Variants in ANKRD30B observed in about 807,000 individuals in gnomAD.
ANKRD30B encodes the protein ankyrin repeat domain-containing protein 30B.
ANKRD30B carries 144 observed loss-of-function variants against 202.2 expected under a neutral mutation model. That is an observed-to-expected ratio of 0.71 (90% CI 0.62 to 0.82). ANKRD30B has a LOEUF of 0.82. ANKRD30B is among the 40% of genes least tolerant of loss of function. The pLI, the probability that ANKRD30B is intolerant of heterozygous loss-of-function variation, is 0.00. For missense variants in ANKRD30B, 1,487 were observed against 1,669.1 expected (o/e 0.89, Z 1.90); for synonymous variants, 508 against 561.3 (o/e 0.91, Z 1.34).
At chr18:14,798,106 T>G (rs919996102) in intron 20 of ANKRD30B, among the ~76,000 whole-genome samples, 1 of 152,292 alleles carries the variant, frequency 6.6e-6, no homozygotes, top group East Asian at 1.9e-4. Flanking sequence ...GGCCTTGTCT[T>G]TGTTCCCAGG....
At chr18:14,784,274 T>G (rs1292164095) in intron 12 of ANKRD30B, 62 bp from the exon 13 acceptor site, 10 of 1,510,418 alleles carry the variant, frequency 6.6e-6, no homozygotes, top group African/African-American at 1.4e-5. Context: ...TATCACTGCA[T>G]TCACTCGGTT....
At chr18:14,830,103 C>G (rs1970837278) in intron 33 of ANKRD30B, 1 of 154,552 alleles carries the variant, frequency 6.5e-6, no homozygotes, top group African/African-American at 2.4e-5. Context: ...TTGAGTTTAT[C>G]TTTTCAGTAA....
the ANKRD30B span, among the ~76,000 whole-genome samples, chr18:14,868,356 G>C: frequency 6.6e-6 from 1 of 152,284 alleles, no homozygotes. Context: ...TCCTTCTGCT[G>C]GCATCTGAGC....
chr18:14,907,573 C>T, the ANKRD30B span, among the ~76,000 whole-genome samples: 2 of 152,182 alleles, frequency 1.3e-5, no homozygotes, highest in African/African-American at 2.4e-5. Flanking sequence ...GGCATGGACA[C>T]GGCCTCCTCT....
At chr18:14,868,297 G>T in the ANKRD30B span, among the ~76,000 whole-genome samples, 1 of 152,300 alleles carries the variant, frequency 6.6e-6, no homozygotes, top group Non-Finnish European at 1.5e-5. Flanking sequence ...GGTGCAGCCA[G>T]GGCAAGGAGG....
intron 4 of ANKRD30B, among the ~76,000 whole-genome samples, chr18:14,756,197 G>A (rs1914331573): frequency 1.3e-5 from 2 of 152,286 alleles, no homozygotes; most frequent in South Asian, 4.1e-4. Flanking sequence ...CTGCATAAAT[G>A]TCTTCTTTTG....
At chr18:14,755,652 T>C (rs1458324159) in intron 4 of ANKRD30B, among the ~76,000 whole-genome samples, 2 of 151,924 alleles carry the variant, frequency 1.3e-5, no homozygotes, top group African/African-American at 4.8e-5. Context: ...GAACATGTGG[T>C]GTTTGGTTTT....
intron 42 of ANKRD30B, chr18:14,852,863 A>G (rs1450330991): frequency 1.3e-5 from 2 of 152,454 alleles, no homozygotes; most frequent in Non-Finnish European, 2.9e-5. Flanking sequence ...TATTTGAAGT[A>G]TATTTTGAAG....
At chr18:14,926,403 G>C in the ANKRD30B span, among the ~76,000 whole-genome samples, 2 of 152,098 alleles carry the variant, frequency 1.3e-5, no homozygotes, top group Non-Finnish European at 2.9e-5. Context: ...TGCTCAGCTG[G>C]CTCCTGCTTG....
At chr18:14,795,549 G>A (rs1243489869) in intron 16 of ANKRD30B, among the ~76,000 whole-genome samples, 1 of 152,074 alleles carries the variant, frequency 6.6e-6, no homozygotes, top group Admixed American at 6.6e-5. Context: ...AGTGGATCAG[G>A]AAATTTTGAG....
chr18:14,837,792 G>A, intron 36 of ANKRD30B, 116 bp downstream of exon 36: 1 of 1,228,710 alleles, frequency 8.1e-7, no homozygotes, highest in Non-Finnish European at 1.1e-6. Context: ...AAGGCGGGTG[G>A]ATCACGAGGT....
the ANKRD30B span, among the ~76,000 whole-genome samples, chr18:14,870,833 C>T: frequency 2.2e-3 from 340 of 152,244 alleles, no homozygotes; most frequent in African/African-American, 7.8e-3. Context: ...GCTTCCTTGG[C>T]ACAGTTTGTA....
At chr18:14,799,403 G>A (rs1327073527) in intron 22 of ANKRD30B, 108 bp downstream of exon 22, 1 of 1,112,018 alleles carries the variant, frequency 9.0e-7, no homozygotes, top group African/African-American at 1.6e-5. Flanking sequence ...AATTGGATGG[G>A]AAAATTTGAT....
At chr18:14,881,900 C>T in the ANKRD30B span, among the ~76,000 whole-genome samples, 11 of 152,086 alleles carry the variant, frequency 7.2e-5, no homozygotes, top group African/African-American at 2.7e-4. Flanking sequence ...AAAAGGTGTT[C>T]ATAGTACCCT....
the ANKRD30B span, among the ~76,000 whole-genome samples, chr18:14,929,814 C>T: frequency 6.6e-6 from 1 of 151,826 alleles, no homozygotes; most frequent in Non-Finnish European, 1.5e-5. Flanking sequence ...TGTGTGTGTG[C>T]ATTTCATATA....
rs565568018 is a variant in ANKRD30B at position 14,778,202 on chromosome 18, T to C, written c.1420+127T>C. The C allele has an allele frequency of 1.9e-4, 124 of 649,010 alleles. No homozygotes were observed. In the African/African-American group the frequency reaches 2.0e-3, roughly 11 times the overall value. The allele number at this position is 649,010 out of a possible 1,614,324, so 40.2% of individuals were successfully genotyped here. A position where few individuals can be genotyped will look rare whatever the true frequency, so the allele number is the denominator to read the frequency against. On this transcript the variant is annotated intron_variant, in intron 10 of 43. Coordinates refer to ENST00000690538, the MANE Select transcript of ANKRD30B (RefSeq NM_001367607.2). Reference sequence around the variant, plus strand: ...GCATAACACGGAAGAACAAAGGCAGTGAAAGTTATGTGTCTTCTCAGGTGT... The same window carrying C: ...GCATAACACGGAAGAACAAAGGCAGCGAAAGTTATGTGTCTTCTCAGGTGT...
At chr18:14,826,972 T>C (rs1183086202) in intron 32 of ANKRD30B, among the ~76,000 whole-genome samples, 1 of 152,162 alleles carries the variant, frequency 6.6e-6, no homozygotes, top group African/African-American at 2.4e-5. Context: ...CAAAGTGTCT[T>C]GTATTGTACT....
Position 14,807,125 on chromosome 18 carries a change from C to T in ANKRD30B, c.2285-1426C>T, listed in dbSNP as rs184714686. Among the ~76,000 whole-genome samples, 251 of 151,004 alleles carry T rather than the reference C, an allele frequency of 1.7e-3. 14 individuals carry two copies. The highest frequency in any genetic ancestry group is 5.8e-3 in the African/African-American group (236 of 40,910). ...GAGTTTATGTCCCCTGAAGTGTCTT[C>T]ATTACTGATCAATCAACTCCAAAGG... On this transcript the variant is annotated intron_variant, in intron 24 of 43. Transcript: ENST00000690538.
chr18:14,872,100 C>G, the ANKRD30B span, among the ~76,000 whole-genome samples: 1 of 152,150 alleles, frequency 6.6e-6, no homozygotes, highest in African/African-American at 2.4e-5. Context: ...GAAGCAGACA[C>G]CAGAACCAGA....
Sources: allele counts gnomAD v4.1 joint callset (sites outside exome capture counted in the v4.1 genomes callset), GRCh38; gene constraint gnomAD v4.1.1; transcripts MANE v1.5; gene names NCBI Gene and HGNC (gene_info 2026-07-23, HGNC 2026-07-21).